YEATS4: variants seen among roughly 807,000 people sequenced by gnomAD.
YEATS4 encodes the protein YEATS domain-containing protein 4.
In YEATS4, 17 loss-of-function variants were observed where a neutral mutation model predicts 30.1. That is an observed-to-expected ratio of 0.56 (90% confidence interval 0.39 to 0.85). The LOEUF (loss-of-function observed/expected upper bound fraction) is 0.85. Among genes scored for constraint, YEATS4 ranks in the 40% least tolerant of loss-of-function variants. The pLI is 0.00. For synonymous variants in YEATS4, 85 were observed against 87.5 expected (o/e 0.97, Z 0.16); for missense variants, 142 against 268.3 (o/e 0.53, Z 3.29).
intron 6 of YEATS4, among the ~76,000 whole-genome samples, chr12:69,377,922 G>T (rs1430410151): frequency 6.6e-6 from 1 of 152,178 alleles, no homozygotes; most frequent in African/African-American, 2.4e-5. Flanking sequence ...TGGATGATCT[G>T]TTCAGTGCTG....
chr12:69,382,250 T>A (rs1374624078), intron 6 of YEATS4, among the ~76,000 whole-genome samples: 1 of 152,178 alleles, frequency 6.6e-6, no homozygotes, highest in Non-Finnish European at 1.5e-5. Context: ...CTTAAATCAT[T>A]AATTTGATTA....
At chr12:69,392,062 AT>A (rs1868320293), downstream of YEATS4, among the ~76,000 whole-genome samples, 1 of 152,134 alleles carries the variant, frequency 6.6e-6, no homozygotes, top group African/African-American at 2.4e-5. Flanking sequence ...CTCAATAAAA[AT>A]TTTTTTAATG....
chr12:69,362,626 T>C (rs995411230), intron 1 of YEATS4, among the ~76,000 whole-genome samples, 162 bp from the exon 2 acceptor site: 3 of 152,240 alleles, frequency 2.0e-5, no homozygotes, highest in Non-Finnish European at 4.4e-5. Context: ...TTTGTGTTAA[T>C]ATGAAAGGAT....
chr12:69,394,248 T>G (rs1868335408), downstream of YEATS4, among the ~76,000 whole-genome samples: 1 of 152,134 alleles, frequency 6.6e-6, no homozygotes, highest in Non-Finnish European at 1.5e-5. Flanking sequence ...ACTGCACAAA[T>G]TGTATTACAT....
the YEATS4 span, among the ~76,000 whole-genome samples, chr12:69,408,528 G>A: frequency 0.29 from 43,788 of 152,178 alleles, 7,133 homozygotes; most frequent in Non-Finnish European, 0.37. Flanking sequence ...TTTGATACAT[G>A]TTGCCAGGTT....
At chr12:69,390,087 C>T (rs1868299230) in intron 6 of YEATS4, 60 bp from the exon 7 acceptor site, 55 of 1,339,768 alleles carry the variant, frequency 4.1e-5, no homozygotes, top group Non-Finnish European at 5.5e-5. Flanking sequence ...ATTTATTACC[C>T]TGTCATATAT....
intron 6 of YEATS4, among the ~76,000 whole-genome samples, chr12:69,382,192 C>T (rs56054057): frequency 0.4 from 61,126 of 152,000 alleles, 12,582 homozygotes; most frequent in Non-Finnish European, 0.46. Context: ...CATTTGCATG[C>T]GATGTTCGAG....
chr12:69,395,824 C>T (rs937148556), downstream of YEATS4, among the ~76,000 whole-genome samples: 3 of 152,154 alleles, frequency 2.0e-5, no homozygotes, highest in African/African-American at 4.8e-5. Flanking sequence ...GGGTAAGGTC[C>T]TTGCTCTTCA....
intron 6 of YEATS4, among the ~76,000 whole-genome samples, chr12:69,388,902 C>T (rs1450095316): frequency 2.0e-5 from 3 of 152,098 alleles, no homozygotes; most frequent in Admixed American, 2.0e-4. Context: ...TGAGAGTTTG[C>T]AGTGAGCCAA....
At chr12:69,416,390 G>A in the YEATS4 span, among the ~76,000 whole-genome samples, 3 of 152,204 alleles carry the variant, frequency 2.0e-5, no homozygotes, top group African/African-American at 7.2e-5. Flanking sequence ...ATACGGAACT[G>A]GGATTTGCCT....
chr12:69,375,125 A>G (rs1875806031), intron 6 of YEATS4, among the ~76,000 whole-genome samples: 2 of 148,402 alleles, frequency 1.3e-5, no homozygotes, highest in Admixed American at 1.3e-4. Flanking sequence ...TGCTGGGCGG[A>G]GGGGCTCCTC....
At chr12:69,368,676 G>A (rs1875528257) in intron 4 of YEATS4, among the ~76,000 whole-genome samples, 1 of 152,148 alleles carries the variant, frequency 6.6e-6, no homozygotes, top group Admixed American at 6.6e-5. Flanking sequence ...TGAAATCAAG[G>A]TGTTGGCCAT....
chr12:69,373,135 T>G (rs1415298274), intron 6 of YEATS4, among the ~76,000 whole-genome samples: 3 of 152,236 alleles, frequency 2.0e-5, no homozygotes, highest in Non-Finnish European at 2.9e-5. Flanking sequence ...TATACTGACT[T>G]ATTTTCTTTT....
chr12:69,413,789 T>C, the YEATS4 span, among the ~76,000 whole-genome samples: 1 of 150,164 alleles, frequency 6.7e-6, no homozygotes, highest in Non-Finnish European at 1.5e-5. Flanking sequence ...GAAGCAGAGG[T>C]TGCAGTAAGC....
chr12:69,372,400 A>G (rs1875677858), intron 6 of YEATS4, among the ~76,000 whole-genome samples: 2 of 152,244 alleles, frequency 1.3e-5, no homozygotes, highest in South Asian at 4.1e-4. Context: ...GACTATAGTC[A>G]CCCTGTTGTG....
At chr12:69,372,183 A>G (rs1875670052) in intron 6 of YEATS4, among the ~76,000 whole-genome samples, 1 of 152,190 alleles carries the variant, frequency 6.6e-6, no homozygotes, top group African/African-American at 2.4e-5. Flanking sequence ...CATCAGATTT[A>G]ACTTCTTTAA....
intron 6 of YEATS4, among the ~76,000 whole-genome samples, chr12:69,372,661 A>G (rs1875693167): frequency 6.6e-6 from 1 of 150,432 alleles, no homozygotes; most frequent in South Asian, 2.1e-4. Context: ...CAGCCTCCCT[A>G]GTAGCTGGGA....
the YEATS4 span, among the ~76,000 whole-genome samples, chr12:69,401,842 C>T: frequency 1.3e-5 from 2 of 152,084 alleles, no homozygotes; most frequent in Non-Finnish European, 2.9e-5. Flanking sequence ...CTGAAATTGC[C>T]TGCCAGCAAG....
At chr12:69,383,486 G>A (rs1330145000) in intron 6 of YEATS4, among the ~76,000 whole-genome samples, 1 of 152,140 alleles carries the variant, frequency 6.6e-6, no homozygotes, top group Non-Finnish European at 1.5e-5. Context: ...TGAGAGACCT[G>A]GGCACTCCAA....
Sources: allele counts gnomAD v4.1 joint callset (sites outside exome capture counted in the v4.1 genomes callset), GRCh38; gene constraint gnomAD v4.1.1; transcripts MANE v1.5; gene names NCBI Gene and HGNC (gene_info 2026-07-23, HGNC 2026-07-21).